UBR3: variants seen among roughly 807,000 people sequenced by gnomAD.
UBR3 encodes the protein ubiquitin protein ligase E3 component n-recognin 3.
A neutral mutation model predicts 243.2 loss-of-function variants in UBR3; 85 were observed. That is an observed-to-expected ratio of 0.35 (90% CI 0.29 to 0.42). The LOEUF is 0.42. Among genes scored for constraint, UBR3 ranks in the 10% least tolerant of loss-of-function variants. UBR3 has a pLI of 1.00. For missense variants in UBR3, 1,686 were observed against 2,300.8 expected (o/e 0.73, Z 5.47); for synonymous variants, 748 against 799.8 (o/e 0.94, Z 1.09).
chr2:170,015,072 A>G (rs1434814457), intron 29 of UBR3: 2 of 425,774 alleles, frequency 4.7e-6, no homozygotes, highest in Non-Finnish European at 8.4e-6. Flanking sequence ...AGGTGTAAAT[A>G]TGAACATATA....
intron 13 of UBR3, 97 bp downstream of exon 13, chr2:169,924,270 T>A: frequency 1.1e-6 from 1 of 930,618 alleles, no homozygotes. Context: ...ATAGCTGAGA[T>A]GTTTGAAAAC....
chr2:169,884,827 T>G (rs911717777), intron 5 of UBR3, among the ~76,000 whole-genome samples: 2 of 152,224 alleles, frequency 1.3e-5, no homozygotes, highest in Non-Finnish European at 2.9e-5. Context: ...CTTTTACTTT[T>G]GTTCTTCTCA....
chr2:169,992,253 A>G (rs961049431), intron 25 of UBR3, among the ~76,000 whole-genome samples: 3 of 152,218 alleles, frequency 2.0e-5, no homozygotes, highest in African/African-American at 7.2e-5. Flanking sequence ...AAAAAGATTG[A>G]TTCAGTAATT....
intron 10 of UBR3, among the ~76,000 whole-genome samples, chr2:169,910,099 A>G (rs929675988): frequency 2.6e-5 from 4 of 152,180 alleles, no homozygotes; most frequent in South Asian, 2.1e-4. Flanking sequence ...ATGTCCAAGT[A>G]GAAATAGTGA....
In UBR3 at chr2:169,955,793, CAAA is replaced by C. The variant is rs56238118; in HGVS notation, c.3546-2629_3546-2627del. ...TGGGCCATAGAGTGAGACTCCATCT[CAAA>C]AAAAAAAAAAAAAAAGATGTTGCAG... On this transcript the variant is annotated intron_variant, in intron 23 of 38. Transcript: ENST00000272793. Among the ~76,000 whole-genome samples the C allele has an allele frequency of 3.4e-4, 27 of 78,536 alleles. 1 individual carries two copies. Among genetic ancestry groups the C allele is most frequent in the South Asian group, 1.3e-3 (2 of 1,486 alleles). The allele number at this position is 78,536 out of a possible 152,430, so 51.5% of individuals were successfully genotyped here.
At position 170,080,008 on chromosome 2, in the gene UBR3, C is replaced by T. The variant is rs1249979011; in HGVS notation, c.5394C>T (p.Tyr1798=). 2 of 1,613,576 alleles carry T rather than the reference C, an allele frequency of 1.2e-6. No individual in the cohort carries two copies. The highest frequency in any genetic ancestry group is 1.7e-6 in the Non-Finnish European group (2 of 1,179,854). The change falls in exon 37 of 39, where the codon TAC becomes TAT. Residue 1798 remains tyrosine, a synonymous_variant. Coordinates refer to ENST00000272793, the MANE Select transcript of UBR3 (RefSeq NM_172070.4). ...GACTTTGCTGCAAGCAACAAAGTTA[C>T]TGTGAATGTGTACTGGTAAGCAATA... ...LKGLCCKQQS[Y]CECVLHSQNC...
intron 22 of UBR3, 200 bp downstream of exon 22, chr2:169,947,915 G>A (rs1462986949): frequency 3.0e-6 from 3 of 984,944 alleles, no homozygotes; most frequent in African/African-American, 1.8e-5. Context: ...AGTTCACGAC[G>A]GCCTAAAGTT....
At chr2:170,050,460 C>T (rs2091191411) in intron 32 of UBR3, among the ~76,000 whole-genome samples, 2 of 152,110 alleles carry the variant, frequency 1.3e-5, no homozygotes, top group Admixed American at 1.3e-4. Context: ...GTGTGCTCTT[C>T]CCCTAGGGAT....
In UBR3 at chr2:169,992,509, C is replaced by T. The variant is rs183887161; in HGVS notation, c.3785-1814C>T. On this transcript the variant is annotated intron_variant, in intron 25 of 38. Coordinates refer to ENST00000272793, the MANE Select transcript of UBR3 (RefSeq NM_172070.4). ...ACATGCAAAAATTCTCAACAAAATTCTAGCAAACTGAATGCAGCAGCATAT... is the reference window on the plus strand; with the variant it reads ...ACATGCAAAAATTCTCAACAAAATTTTAGCAAACTGAATGCAGCAGCATAT... Among the ~76,000 whole-genome samples, 251 of 152,274 alleles carry T rather than the reference C, an allele frequency of 1.6e-3. 1 individual carries two copies. Among genetic ancestry groups the T allele is most frequent in the African/African-American group, 5.7e-3 (235 of 41,556 alleles).
At position 169,891,178 on chromosome 2, in the gene UBR3, G is replaced by A. The variant is rs2084360923; in HGVS notation, c.1052G>A (p.Gly351Asp). ...ATTTTCCTTCAGGATGATCAGGATG[G>A]TAGTCAAGGTCTGGGCAAGAGAAAA... Reference protein sequence around the residue: ...VDSSDEDDQDGSQGLGKRKRV... With the variant: ...VDSSDEDDQDDSQGLGKRKRV... The change falls in exon 6 of 39, where the codon GGT (glycine) becomes GAT (aspartate). Residue 351 changes from glycine (G) to aspartate (D), a missense_variant. Transcript: ENST00000272793. 3 of 1,549,606 alleles carry A rather than the reference G, an allele frequency of 1.9e-6. No homozygotes were observed. In the East Asian group the frequency reaches 7.4e-5, roughly 38 times the overall value.
intron 1 of UBR3, among the ~76,000 whole-genome samples, chr2:169,871,895 T>C (rs746263125): frequency 4.6e-5 from 7 of 152,192 alleles, no homozygotes; most frequent in Non-Finnish European, 1.0e-4. Flanking sequence ...TTTAAAGTGA[T>C]CAACTTGTAC....
chr2:169,891,609 CAG>C (rs373488337), intron 6 of UBR3, among the ~76,000 whole-genome samples: 3 of 53,340 alleles, frequency 5.6e-5, no homozygotes, highest in Admixed American at 2.6e-4. Context: ...GAGAGAGAGA[CAG>C]AGACACACAC....
intron 2 of UBR3, 32 bp downstream of exon 2, chr2:169,872,407 T>C (rs1385001124): frequency 7.3e-7 from 1 of 1,375,536 alleles, no homozygotes; most frequent in East Asian, 2.7e-5. Context: ...GTTAGTACTC[T>C]TTTTAAATTG....
Position 169,914,121 on chromosome 2 carries a change from T to G in UBR3, c.1841T>G (p.Phe614Cys). Residue 614 changes from phenylalanine to cysteine, a missense_variant, in exon 11 of 39, where the codon TTT becomes TGT. This residue lies in a region of UBR3 where 346 missense variants were observed against 585.8 expected (regional missense o/e 0.59). Transcript: ENST00000272793. ...RYCLEALQDW[F>C]DAINFVDEPA... The stretch of plus-strand genomic sequence containing the variant: ...TGCCTTGAAGCTCTTCAAGACTGGT[T>G]TGATGCTATTAACTTCGTAGACGAG... The G allele has an allele frequency of 2.0e-6, 3 of 1,510,212 alleles. No individual in the cohort carries two copies. Among genetic ancestry groups the G allele is most frequent in the Non-Finnish European group, 2.7e-6 (3 of 1,127,612 alleles). 93.6% of individuals were successfully genotyped at this position (1,510,212 alleles called of 1,614,324 possible).
chr2:169,842,943 T>G (rs903849776), intron 1 of UBR3, among the ~76,000 whole-genome samples: 3 of 152,216 alleles, frequency 2.0e-5, no homozygotes, highest in African/African-American at 7.2e-5. Context: ...TATTCCTCAT[T>G]TCTGTTTAAG....
intron 24 of UBR3, among the ~76,000 whole-genome samples, chr2:169,975,935 T>A (rs2088417550): frequency 6.6e-6 from 1 of 151,916 alleles, no homozygotes; most frequent in Non-Finnish European, 1.5e-5. Flanking sequence ...CTCTTTATCA[T>A]TATATAATGA....
chr2:169,891,334 G>A, intron 6 of UBR3, 103 bp downstream of exon 6: 1 of 774,896 alleles, frequency 1.3e-6, no homozygotes, highest in Non-Finnish European at 2.1e-6. Flanking sequence ...CATCAAAGCT[G>A]TTTGAAGGGA....
At position 169,986,682 on chromosome 2, in the gene UBR3, G is replaced by T. The variant is rs368238917; in HGVS notation, c.3672G>T (p.Thr1224=). 6.2e-7 allele frequency: 1 copy of T among 1,613,512 alleles called. No individual in the cohort carries two copies. The highest frequency in any genetic ancestry group is 8.5e-7 in the Non-Finnish European group (1 of 1,179,720). The part of the protein sequence containing the change: ...PENDIPMEIT[T]AEPQVSEAVY... ...ATGATATTCCTATGGAGATCACCAC[G>T]GCAGAACCACAGGTTTCCGAGGCAG... Residue 1224 remains threonine, a synonymous_variant, in exon 25 of 39, where the codon ACG becomes ACT. Transcript: ENST00000272793.
At position 169,942,553 on chromosome 2, in the gene UBR3, A is replaced by G. The variant is rs1288610181; in HGVS notation, c.2724A>G (p.Ser908=). ...GGCCTCCATATAAGAAAAGGACATC[A>G]CTCCATCCTAGCTATAAAGGTCTTA... ...NPWPPYKKRT[S]LHPSYKGLMR... The change falls in exon 20 of 39, where the codon TCA becomes TCG. Residue 908 remains serine, a synonymous_variant. Transcript: ENST00000272793. 3 of 1,550,452 alleles carry G rather than the reference A, an allele frequency of 1.9e-6. No homozygotes were observed. The highest frequency in any genetic ancestry group is 2.4e-5 in the South Asian group (2 of 83,984).
Sources: gnomAD v4.1 joint callset for allele counts (sites outside exome capture counted in the v4.1 genomes callset) on GRCh38, gnomAD v4.1.1 for gene constraint, gnomAD v4.1.1 regional missense constraint, MANE v1.5 for transcripts, NCBI Gene and HGNC (gene_info 2026-07-23, HGNC 2026-07-21) for gene names.